Variants in CEP89 observed in about 807,000 individuals in gnomAD.
CEP89 encodes the protein centrosomal protein of 89 kDa.
Under a neutral mutation model 97.6 loss-of-function variants are expected in CEP89, and 95 were observed. That is an observed-to-expected ratio of 0.97 (90% CI 0.82 to 1.15). CEP89 has a LOEUF of 1.15. Among genes scored for constraint, CEP89 ranks in the 50% most tolerant of loss-of-function variants. CEP89 has a pLI of 0.00. For missense variants in CEP89, 869 were observed against 947.7 expected (o/e 0.92, Z 1.09); for synonymous variants, 354 against 349.1 (o/e 1.01, Z -0.16).
chr19:32,946,701 C>T (rs1457948440), intron 5 of CEP89, among the ~76,000 whole-genome samples: 1 of 152,062 alleles, frequency 6.6e-6, no homozygotes, highest in Non-Finnish European at 1.5e-5. Context: ...GTGAATAAGT[C>T]TCATGAAATC....
intron 9 of CEP89, among the ~76,000 whole-genome samples, chr19:32,929,531 G>A (rs1436500838): frequency 6.6e-6 from 1 of 152,080 alleles, no homozygotes; most frequent in East Asian, 1.9e-4. Context: ...GAACCCGGGA[G>A]GTAGAGATTG....
chr19:32,946,691 G>A (rs1477973820), intron 5 of CEP89, among the ~76,000 whole-genome samples: 2 of 152,110 alleles, frequency 1.3e-5, no homozygotes. Context: ...TCTCGTGGTA[G>A]TGAATAAGTC....
At chr19:32,920,299 C>T (rs1270863291) in intron 12 of CEP89, among the ~76,000 whole-genome samples, 1 of 152,090 alleles carries the variant, frequency 6.6e-6, no homozygotes, top group African/African-American at 2.4e-5. Flanking sequence ...ACTGCAGCCC[C>T]GAACTCTTGG....
chr19:32,944,318 G>A (rs536950061), intron 5 of CEP89, among the ~76,000 whole-genome samples: 22 of 151,650 alleles, frequency 1.5e-4, no homozygotes, highest in Admixed American at 3.3e-4. Context: ...AAACCTGGGC[G>A]CAGCACACAA....
intron 2 of CEP89, chr19:32,963,502 G>A (rs1475258111): frequency 2.0e-5 from 3 of 152,206 alleles, no homozygotes; most frequent in East Asian, 1.9e-4. Context: ...TATGAGAATG[G>A]ATTCCACAAA....
At chr19:32,903,985 C>T (rs1969837301) in intron 14 of CEP89, among the ~76,000 whole-genome samples, 1 of 152,176 alleles carries the variant, frequency 6.6e-6, no homozygotes, top group Non-Finnish European at 1.5e-5. Context: ...CGTAACAAGA[C>T]TCTGTCTCTA....
In CEP89 at chr19:32,878,974, A is replaced by AAT. The variant is rs372397715; in HGVS notation, c.*187_*188insAT. The stretch of plus-strand genomic sequence containing the variant: ...GAGACCCTAGCTCTAAAAAAAAAAA[A>AAT]AAATTAAAAAATAAAGCAAAATGTT... On this transcript the variant is annotated 3_prime_UTR_variant, in exon 19 of 19. Transcript: ENST00000305768. The AAT allele has an allele frequency of 5.0e-3, 2,328 of 466,128 alleles. 6 individuals carry two copies. Among genetic ancestry groups the AAT allele is most frequent in the African/African-American group, 0.011 (554 of 49,526 alleles). The allele number at this position is 466,128 out of a possible 1,614,324, so 28.9% of individuals were successfully genotyped here.
intron 18 of CEP89, 104 bp from the exon 19 acceptor site, chr19:32,879,482 G>C (rs1170802122): frequency 5.4e-6 from 5 of 921,736 alleles, no homozygotes; most frequent in Non-Finnish European, 8.3e-6. Flanking sequence ...TATCAGCAGG[G>C]AACAGAGCCC....
intron 14 of CEP89, among the ~76,000 whole-genome samples, chr19:32,904,743 C>T (rs911681597): frequency 3.9e-5 from 6 of 152,082 alleles, no homozygotes; most frequent in African/African-American, 1.4e-4. Flanking sequence ...AGGCATGCGC[C>T]ATCACACCCA....
chr19:32,944,095 T>C (rs1970743767), intron 5 of CEP89, among the ~76,000 whole-genome samples: 1 of 151,674 alleles, frequency 6.6e-6, no homozygotes, highest in South Asian at 2.1e-4. Context: ...GGCATGATGA[T>C]GCACACCTGT....
intron 18 of CEP89, among the ~76,000 whole-genome samples, chr19:32,881,337 G>T (rs73041776): frequency 0.25 from 37,573 of 151,226 alleles, 5,540 homozygotes; most frequent in Non-Finnish European, 0.35. Context: ...AGAAATAACA[G>T]AAATAAAATA....
chr19:32,908,796 G>A (rs774927261), intron 14 of CEP89, among the ~76,000 whole-genome samples: 1 of 152,152 alleles, frequency 6.6e-6, no homozygotes, highest in Non-Finnish European at 1.5e-5. Context: ...CACACCGGGG[G>A]AATGTCTGGG....
At chr19:32,967,506 G>A (rs1436154407) in intron 1 of CEP89, among the ~76,000 whole-genome samples, 115 of 125,940 alleles carry the variant, frequency 9.1e-4, no homozygotes, top group Admixed American at 3.6e-3. Flanking sequence ...CACTAAAAAT[G>A]AAAAAAAAAA....
rs1254204622 is a variant in CEP89, at chr19:32,920,761, G to A, written c.1269-2422C>T. Among the ~76,000 whole-genome samples, 13 of 152,010 alleles carry A rather than the reference G, an allele frequency of 8.6e-5. 1 individual carries two copies. Among genetic ancestry groups the A allele is most frequent in the Admixed American group, 8.5e-4 (13 of 15,270 alleles). ...AGTCTCCCAAAGTGCTGGGATTATAGGCGTGAGCCACTGTGCCCAGCCTCC... is the reference window on the plus strand; with the variant it reads ...AGTCTCCCAAAGTGCTGGGATTATAAGCGTGAGCCACTGTGCCCAGCCTCC... On this transcript the variant is annotated intron_variant, in intron 12 of 18. Coordinates refer to ENST00000305768, the MANE Select transcript of CEP89 (RefSeq NM_032816.5).
intron 8 of CEP89, among the ~76,000 whole-genome samples, chr19:32,932,764 C>T (rs79365835): frequency 2.3e-3 from 345 of 150,512 alleles, no homozygotes; most frequent in African/African-American, 8.2e-3. Context: ...CACAATGAGG[C>T]CTCACTGCTA....
chr19:32,957,700 C>T (rs975190984), intron 3 of CEP89, among the ~76,000 whole-genome samples: 3 of 152,056 alleles, frequency 2.0e-5, no homozygotes, highest in African/African-American at 7.2e-5. Context: ...GTCCCAGCTA[C>T]TCTGGAGGCT....
chr19:32,892,117 C>T (rs1020888559), intron 16 of CEP89, among the ~76,000 whole-genome samples: 10,570 of 141,614 alleles, frequency 0.075, 1,320 homozygotes, highest in African/African-American at 0.26. Context: ...TTTAGACATA[C>T]ATATATTTAG....
intron 3 of CEP89, among the ~76,000 whole-genome samples, chr19:32,955,147 G>C (rs1971020447): frequency 6.6e-6 from 1 of 151,466 alleles, no homozygotes; most frequent in African/African-American, 2.4e-5. Flanking sequence ...ACCATACCCA[G>C]CTAATTTTTT....
chr19:32,954,992 T>G (rs1291241552), intron 3 of CEP89, among the ~76,000 whole-genome samples: 5 of 151,462 alleles, frequency 3.3e-5, no homozygotes, highest in Admixed American at 6.6e-5. Context: ...AGTATTTTTA[T>G]TTTTTAAATT....
Sources: allele counts gnomAD v4.1 joint callset (sites outside exome capture counted in the v4.1 genomes callset), GRCh38; gene constraint gnomAD v4.1.1; transcripts MANE v1.5; gene names NCBI Gene and HGNC (gene_info 2026-07-23, HGNC 2026-07-21).